The following VPS50 variants were observed in gnomAD, a reference collection of about 807,000 sequenced individuals.
The protein encoded by VPS50 is syndetin.
VPS50 carries 70 observed loss-of-function variants against 139.7 expected under a neutral mutation model. The observed-to-expected ratio is 0.50, with a 90% CI of 0.41 to 0.61. VPS50 has a LOEUF of 0.61. Among genes scored for constraint, VPS50 ranks in the 20% least tolerant of loss-of-function variants. The pLI is 0.00. For missense variants in VPS50, 921 were observed against 1,133.7 expected (o/e 0.81, Z 2.69); for synonymous variants, 365 against 376.7 (o/e 0.97, Z 0.36).
chr7:93,244,977 T>C (rs1053811573), intron 2 of VPS50, among the ~76,000 whole-genome samples: 8 of 151,860 alleles, frequency 5.3e-5, no homozygotes, highest in Non-Finnish European at 1.0e-4. Flanking sequence ...TACAGTCCAT[T>C]TGGCAAACAC....
intron 25 of VPS50, among the ~76,000 whole-genome samples, chr7:93,350,708 T>G (rs1379573899): frequency 6.6e-6 from 1 of 151,926 alleles, no homozygotes; most frequent in Non-Finnish European, 1.5e-5. Context: ...CAAAATCATC[T>G]GAAGAGAGAT....
At chr7:93,349,851 T>G in intron 24 of VPS50, 24 bp from the exon 25 acceptor site, 1 of 1,591,966 alleles carries the variant, frequency 6.3e-7, no homozygotes, top group Non-Finnish European at 8.6e-7. Context: ...ATAATTGTTT[T>G]CATTTTTGTG....
intron 13 of VPS50, among the ~76,000 whole-genome samples, chr7:93,294,220 C>T (rs1222526623): frequency 6.6e-6 from 1 of 151,872 alleles, no homozygotes; most frequent in Non-Finnish European, 1.5e-5. Flanking sequence ...GCCCTTCTCA[C>T]AGCCTTTTAC....
intron 21 of VPS50, among the ~76,000 whole-genome samples, chr7:93,331,023 C>G (rs1388605289): frequency 6.6e-6 from 1 of 151,862 alleles, no homozygotes. Context: ...GCTTTACTTA[C>G]AATAACATCA....
chr7:93,329,216 A>C (rs1434427435), intron 21 of VPS50, among the ~76,000 whole-genome samples: 1 of 152,210 alleles, frequency 6.6e-6, no homozygotes, highest in Non-Finnish European at 1.5e-5. Context: ...TTTTAAATGC[A>C]TGAACATCTC....
intron 20 of VPS50, among the ~76,000 whole-genome samples, chr7:93,317,907 G>A (rs1352122150): frequency 6.6e-6 from 1 of 151,948 alleles, no homozygotes; most frequent in Non-Finnish European, 1.5e-5. Flanking sequence ...TCTTACAGAA[G>A]TATCACAATA....
At chr7:93,291,601 G>A (rs1222937384) in intron 12 of VPS50, 102 bp from the exon 13 acceptor site, 1 of 650,972 alleles carries the variant, frequency 1.5e-6, no homozygotes, top group African/African-American at 1.9e-5. Flanking sequence ...AATTTTCTTG[G>A]TTATTTCTAA....
intron 2 of VPS50, among the ~76,000 whole-genome samples, chr7:93,248,308 T>G (rs1186427707): frequency 1.3e-5 from 2 of 152,024 alleles, no homozygotes; most frequent in African/African-American, 4.8e-5. Context: ...TTGTTCATTT[T>G]GTTTATGTAA....
chr7:93,289,427 A>T (rs1796585851), intron 12 of VPS50, among the ~76,000 whole-genome samples: 1 of 151,922 alleles, frequency 6.6e-6, no homozygotes, highest in Non-Finnish European at 1.5e-5. Context: ...TCAGCTCTTT[A>T]TTGTGAATAT....
At chr7:93,246,451 T>C (rs1007204263) in intron 2 of VPS50, among the ~76,000 whole-genome samples, 9 of 151,904 alleles carry the variant, frequency 5.9e-5, no homozygotes, top group Admixed American at 1.3e-4. Context: ...TCTATATATT[T>C]TTTTCAGAGT....
At chr7:93,275,945 G>A (rs1796140939) in intron 11 of VPS50, 2 of 499,378 alleles carry the variant, frequency 4.0e-6, no homozygotes, top group African/African-American at 1.9e-5. Flanking sequence ...CAGTGTTCAC[G>A]AGTCACATTT....
At chr7:93,289,916 A>G (rs1287416375) in intron 12 of VPS50, among the ~76,000 whole-genome samples, 1 of 152,064 alleles carries the variant, frequency 6.6e-6, no homozygotes, top group Non-Finnish European at 1.5e-5. Context: ...GAGACATCCT[A>G]ACCAAGAATA....
At chr7:93,238,072 G>T (rs767197188) in intron 1 of VPS50, among the ~76,000 whole-genome samples, 2 of 152,148 alleles carry the variant, frequency 1.3e-5, no homozygotes, top group African/African-American at 2.4e-5. Context: ...TTTAGGGGTG[G>T]TCATGATTTT....
In VPS50 at chr7:93,259,542, A is replaced by G; in HGVS notation, c.577-8A>G. On this transcript the variant is annotated splice_polypyrimidine_tract_variant and splice_region_variant and intron_variant, in intron 8 of 27. Coordinates refer to ENST00000305866, the MANE Select transcript of VPS50 (RefSeq NM_017667.4). ...TATTCCAATGACTCCTGTTGTTGTT[A>G]CCTTAAGGAGGAAGATTATCCAGGA... is the stretch of plus-strand genomic sequence containing the variant. 2.0e-6 allele frequency: 3 copies of G among 1,498,560 alleles called. No homozygotes were observed. Among genetic ancestry groups the G allele is most frequent in the Non-Finnish European group, 2.8e-6 (3 of 1,078,012 alleles). The allele number at this position is 1,498,560 out of a possible 1,614,324, so 92.8% of individuals were successfully genotyped here.
chr7:93,253,417 CT>C (rs1332995837), intron 3 of VPS50, among the ~76,000 whole-genome samples: 1 of 152,122 alleles, frequency 6.6e-6, no homozygotes, highest in Non-Finnish European at 1.5e-5. Context: ...CACAGTAGTA[CT>C]TATGGTTTGT....
At chr7:93,246,861 T>C (rs1386969587) in intron 2 of VPS50, among the ~76,000 whole-genome samples, 1 of 151,860 alleles carries the variant, frequency 6.6e-6, no homozygotes, top group East Asian at 1.9e-4. Flanking sequence ...ACCACAAACA[T>C]ACTGGGAATG....
At chr7:93,274,687 T>C (rs1384166020) in intron 11 of VPS50, among the ~76,000 whole-genome samples, 1 of 152,204 alleles carries the variant, frequency 6.6e-6, no homozygotes, top group African/African-American at 2.4e-5. Flanking sequence ...AGGAGTAATT[T>C]TGGCTTTCAA....
intron 12 of VPS50, among the ~76,000 whole-genome samples, chr7:93,289,196 G>A (rs770508023): frequency 2.2e-4 from 33 of 152,056 alleles, no homozygotes; most frequent in Non-Finnish European, 4.7e-4. Flanking sequence ...GATTGAGATT[G>A]GTGAGAATCT....
intron 1 of VPS50, 148 bp from the exon 2 acceptor site, chr7:93,239,718 A>G (rs1436848367): frequency 5.9e-6 from 3 of 510,566 alleles, no homozygotes; most frequent in Non-Finnish European, 1.1e-5. Flanking sequence ...GTATTAAATG[A>G]TGATTGCTTT....
Sources: gnomAD v4.1 joint callset for allele counts (sites outside exome capture counted in the v4.1 genomes callset) on GRCh38, gnomAD v4.1.1 for gene constraint, MANE v1.5 for transcripts, NCBI Gene and HGNC (gene_info 2026-07-23, HGNC 2026-07-21) for gene names.